MAPK8IP1: variants seen among roughly 807,000 people sequenced by gnomAD.
MAPK8IP1 encodes the protein mitogen-activated protein kinase 8 interacting protein 1.
A neutral mutation model predicts 72.6 loss-of-function variants in MAPK8IP1; 17 were observed. That is an observed-to-expected ratio of 0.23 (90% CI 0.16 to 0.35). The LOEUF (loss-of-function observed/expected upper bound fraction) is 0.35, where lower values mean the gene tolerates loss of function less well. MAPK8IP1 is among the 10% of genes least tolerant of loss of function. MAPK8IP1 has a pLI of 1.00. For synonymous variants in MAPK8IP1, 401 were observed against 443.4 expected, an observed-to-expected ratio of 0.90 and a Z score of 1.20; for missense variants, 789 against 1,009.7, an observed-to-expected ratio of 0.78 and a Z score of 2.96.
rs746922638 is a variant in MAPK8IP1 at position 45,905,183 on chromosome 11, A to G, written c.1997A>G (p.Asp666Gly). The change falls in exon 11 of 12, where the codon GAC (aspartate) becomes GGC (glycine). Residue 666 changes from aspartate (D) to glycine (G), a missense_variant. Transcript: ENST00000241014. ...YFGFITKHPADHRFACHVFVS... is the reference protein window; with the variant it reads ...YFGFITKHPAGHRFACHVFVS... Reference sequence around the variant, plus strand: ...GGGTTCATCACCAAGCACCCCGCCGACCACCGGTTTGCCTGCCACGTCTTT... The same window carrying G: ...GGGTTCATCACCAAGCACCCCGCCGGCCACCGGTTTGCCTGCCACGTCTTT... 3 of 1,613,338 alleles carry G rather than the reference A, an allele frequency of 1.9e-6. No homozygotes were observed.
At chr11:45,886,204 T>TC (rs977801121) in intron 1 of MAPK8IP1, among the ~76,000 whole-genome samples, 1 of 152,124 alleles carries the variant, frequency 6.6e-6, no homozygotes, top group African/African-American at 2.4e-5. Flanking sequence ...GGCCTCCTTC[T>TC]CCCCAACCTC....
At chr11:45,889,835 A>G (rs545474875) in intron 1 of MAPK8IP1, among the ~76,000 whole-genome samples, 1 of 152,292 alleles carries the variant, frequency 6.6e-6, no homozygotes, top group South Asian at 2.1e-4. Context: ...GGGGCCACCG[A>G]GAGGCTTCTT....
rs1209515483 is a variant in MAPK8IP1 at position 45,895,631 on chromosome 11, AAAATAT to A, written c.102-2452_102-2447del. ...CGAAAGGCCGTCTCAAAAAAAAAAAAAAATATATATATATATATATATATATATATG... is the reference window on the plus strand; with the variant it reads ...CGAAAGGCCGTCTCAAAAAAAAAAAAATATATATATATATATATATATATG... On this transcript the variant is annotated intron_variant, in intron 1 of 11. Transcript: ENST00000241014. Among the ~76,000 whole-genome samples, 299 of 34,610 alleles carry A rather than the reference AAAATAT, an allele frequency of 8.6e-3. 2 individuals are homozygous for A. Among genetic ancestry groups the A allele is most frequent in the African/African-American group, 0.015 (272 of 17,564 alleles). The allele number at this position is 34,610 out of a possible 152,430, so 22.7% of individuals were successfully genotyped here.
rs2086659964 is a variant in MAPK8IP1, at chr11:45,902,300, C to T, written c.605-72C>T. Reference sequence around the variant, plus strand: ...TTGTCTTGGTTTCTGTGTCACCAAGCTGAGAGTGGCAGGTGCAGGTAGCTG... The same window carrying T: ...TTGTCTTGGTTTCTGTGTCACCAAGTTGAGAGTGGCAGGTGCAGGTAGCTG... On this transcript the variant is annotated intron_variant, in intron 4 of 11. Transcript: ENST00000241014. This position sits in a 1 kb window ranked among gnomAD's most constrained non-coding sequence, Gnocchi z 9.3. 1.5e-6 allele frequency: 2 copies of T among 1,324,952 alleles called. No individual in the cohort carries two copies. The highest frequency in any genetic ancestry group is 2.9e-5 in the African/African-American group (2 of 68,846). The allele number at this position is 1,324,952 out of a possible 1,614,324, so 82.1% of individuals were successfully genotyped here.
chr11:45,904,536 A>G lies in MAPK8IP1; in HGVS notation c.1748A>G (p.Asn583Ser), dbSNP rs760395361. 1.4e-5 allele frequency: 23 copies of G among 1,614,068 alleles called. No homozygotes were observed. In the East Asian group the frequency reaches 3.3e-4, roughly 23 times the overall value. Residue 583 changes from asparagine to serine, a missense_variant, in exon 8 of 12, where the codon AAT becomes AGT. Asn to Ser is a conservative substitution (Grantham distance 46). Transcript: ENST00000241014. The surrounding 1 kb of genome is among the most constrained non-coding windows in gnomAD (Gnocchi z 6.4). Reference protein sequence around the residue: ...GSVQVPYHKGNDVLCAAMQKI... With the variant: ...GSVQVPYHKGSDVLCAAMQKI... ...GTCCAGGTTCCCTATCACAAGGGCAATGACGTCCTCTGTGCTGCTATGCAA... is the reference window on the plus strand; with the variant it reads ...GTCCAGGTTCCCTATCACAAGGGCAGTGACGTCCTCTGTGCTGCTATGCAA...
Position 45,900,339 on chromosome 11 carries a change from T to G in MAPK8IP1, c.409T>G (p.Ser137Ala), listed in dbSNP as rs1398556817. ...GGCCGAGTCCGGCCAGGAGCCGGCGTCCCGCGGCCAGGGCCAGAGCCAAGG... is the reference window on the plus strand; with the variant it reads ...GGCCGAGTCCGGCCAGGAGCCGGCGGCCCGCGGCCAGGGCCAGAGCCAAGG... ...PKAESGQEPA[S>A]RGQGQSQGQS... Residue 137 changes from serine (S) to alanine (A), a missense_variant, in exon 3 of 12, where the codon TCC becomes GCC. By Grantham distance (99) the Ser-to-Ala change is moderately conservative. Coordinates refer to ENST00000241014, the MANE Select transcript of MAPK8IP1 (RefSeq NM_005456.4). This position sits in a 1 kb window ranked among gnomAD's most constrained non-coding sequence, Gnocchi z 6.5. 1.3e-5 allele frequency: 19 copies of G among 1,449,088 alleles called. No homozygotes were observed. Among genetic ancestry groups the G allele is most frequent in the Middle Eastern group, 2.4e-4 (1 of 4,120 alleles). The allele number at this position is 1,449,088 out of a possible 1,614,324, so 89.8% of individuals were successfully genotyped here. A position where few individuals can be genotyped will look rare whatever the true frequency, so the allele number is the denominator to read the frequency against.
Position 45,903,255 on chromosome 11 carries a change from C to T in MAPK8IP1, c.1417+71C>T. The T allele has an allele frequency of 1.3e-6, 2 of 1,582,580 alleles. No homozygotes were observed. The highest frequency in any genetic ancestry group is 1.7e-6 in the Non-Finnish European group (2 of 1,160,164). On this transcript the variant is annotated intron_variant, in intron 5 of 11. Coordinates refer to ENST00000241014, the MANE Select transcript of MAPK8IP1 (RefSeq NM_005456.4). This position sits in a 1 kb window ranked among gnomAD's most constrained non-coding sequence, Gnocchi z 6.4. ...GGGCAGAGCCAAAATGCGAAGTGTT[C>T]TGGGAGGCGACCCCAGGCCCCATCT...
At chr11:45,896,655 GA>G in intron 1 of MAPK8IP1, 6 of 1,402,228 alleles carry the variant, frequency 4.3e-6, no homozygotes, top group Non-Finnish European at 5.6e-6. Flanking sequence ...GCGCTGGGAA[GA>G]GCTGGGGCTG....
chr11:45,904,154 C>T lies in MAPK8IP1; in HGVS notation c.1659C>T (p.His553=), dbSNP rs961330965. ...TCGAGGTCACCAAGGAGCCCGAGCA[C>T]ATGGCAGGTAGTGTTCCCTCCCTGG... ...YAIEVTKEPE[H]MAALAKNSDW... Residue 553 remains histidine, a synonymous_variant, in exon 7 of 12, where the codon CAC becomes CAT. Coordinates refer to ENST00000241014, the MANE Select transcript of MAPK8IP1 (RefSeq NM_005456.4). This position sits in a 1 kb window ranked among gnomAD's most constrained non-coding sequence, Gnocchi z 6.4. The T allele has an allele frequency of 6.2e-7, 1 of 1,613,854 alleles. No homozygotes were observed.
rs1378610036 is a variant in MAPK8IP1 at position 45,903,232 on chromosome 11, G to A, written c.1417+48G>A. 5 of 1,588,808 alleles carry A rather than the reference G, an allele frequency of 3.1e-6. No individual in the cohort carries two copies. Among genetic ancestry groups the A allele is most frequent in the South Asian group, 1.1e-5 (1 of 89,966 alleles). ...TGGGGTGGGGGGGTCCCTAGCGGGG[G>A]CAGAGCCAAAATGCGAAGTGTTCTG... On this transcript the variant is annotated intron_variant, in intron 5 of 11. Transcript: ENST00000241014. This position sits in a 1 kb window ranked among gnomAD's most constrained non-coding sequence, Gnocchi z 6.4.
Position 45,897,194 on chromosome 11 carries a change from AC to A in MAPK8IP1, c.102-884del, listed in dbSNP as rs34114061. Among the ~76,000 whole-genome samples, 21 of 149,928 alleles carry A rather than the reference AC, an allele frequency of 1.4e-4. No individual in the cohort carries two copies. The East Asian group carries it at 3.5e-3, about 25-fold the overall frequency. On this transcript the variant is annotated intron_variant, in intron 1 of 11. Transcript: ENST00000241014. ...TTCTCCCCAACTTCCTAAATGTTCT[AC>A]CCCCCCACCACCCCCCCAGCAAGCC...
At chr11:45,893,966 A>G (rs563087494) in intron 1 of MAPK8IP1, among the ~76,000 whole-genome samples, 15 of 152,268 alleles carry the variant, frequency 9.9e-5, no homozygotes, top group African/African-American at 3.4e-4. Flanking sequence ...AGAGTCTTGG[A>G]TGGGGGGTGA....
rs1296147181 is a variant in MAPK8IP1, at chr11:45,903,423, C to T, written c.1476C>T (p.Thr492=). The change falls in exon 6 of 12, where the codon ACC becomes ACT. Residue 492 remains threonine, a synonymous_variant. Coordinates refer to ENST00000241014, the MANE Select transcript of MAPK8IP1 (RefSeq NM_005456.4). The surrounding 1 kb of genome is among the most constrained non-coding windows in gnomAD (Gnocchi z 6.4). ...TCAACGGGGAGGAGCAGGAGCAGAC[C>T]CACCGGGCCATATTCAGGTGAGAGC... ...CIINGEEQEQ[T]HRAIFRFVPR... is the part of the protein sequence containing the mutation. The T allele has an allele frequency of 4.3e-6, 7 of 1,612,750 alleles. No individual in the cohort carries two copies. Among genetic ancestry groups the T allele is most frequent in the Non-Finnish European group, 5.9e-6 (7 of 1,179,938 alleles).
chr11:45,903,358 C>A lies in MAPK8IP1; in HGVS notation c.1418-7C>A. On this transcript the variant is annotated splice_region_variant and splice_polypyrimidine_tract_variant and intron_variant, in intron 5 of 11. Coordinates refer to ENST00000241014, the MANE Select transcript of MAPK8IP1 (RefSeq NM_005456.4). The surrounding 1 kb of genome is among the most constrained non-coding windows in gnomAD (Gnocchi z 6.4). Reference sequence around the variant, plus strand: ...CCCCCCATCCAGCCACACCACCTCACCTGCAGGTGCTGAGTCCTTCGGGCT... The same window carrying A: ...CCCCCCATCCAGCCACACCACCTCAACTGCAGGTGCTGAGTCCTTCGGGCT... 6.2e-7 allele frequency: 1 copy of A among 1,613,596 alleles called. No individual in the cohort carries two copies. Among genetic ancestry groups the A allele is most frequent in the African/African-American group, 1.3e-5 (1 of 75,060 alleles).
intron 1 of MAPK8IP1, among the ~76,000 whole-genome samples, chr11:45,888,802 C>T (rs985659870): frequency 2.4e-4 from 37 of 152,028 alleles, no homozygotes; most frequent in African/African-American, 8.5e-4. Flanking sequence ...TGGGTTCAAG[C>T]GGTTCTCCTG....
chr11:45,901,836 G>A (rs1272728502), intron 3 of MAPK8IP1, 144 bp from the exon 4 acceptor site: 3 of 778,932 alleles, frequency 3.9e-6, no homozygotes, highest in Non-Finnish European at 7.1e-6. Context: ...CCAGAGGAGA[G>A]TTACGAGTGA....
rs1590788525 is a variant in MAPK8IP1 at position 45,903,807 on chromosome 11, G to A, written c.1494-182G>A. Among the ~76,000 whole-genome samples the A allele has an allele frequency of 6.6e-6, 1 of 152,244 alleles. No individual in the cohort carries two copies. The highest frequency in any genetic ancestry group is 2.4e-5 in the African/African-American group (1 of 41,550). ...ACCCTCCCTTGGCCTGTGTTTCCTC[G>A]ATGGCAGATGCATGTCTGCTTGACC... On this transcript the variant is annotated intron_variant, in intron 6 of 11. Coordinates refer to ENST00000241014, the MANE Select transcript of MAPK8IP1 (RefSeq NM_005456.4). The surrounding 1 kb of genome is among the most constrained non-coding windows in gnomAD (Gnocchi z 6.4).
rs1407225881 is a variant in MAPK8IP1 at position 45,900,349 on chromosome 11, A to C, written c.419A>C (p.Gln140Pro). ...ESGQEPASRG[Q>P]GQSQGQSQGP... ...GGCCAGGAGCCGGCGTCCCGCGGCC[A>C]GGGCCAGAGCCAAGGCCAGAGCCAG... is the stretch of plus-strand genomic sequence containing the variant. The change falls in exon 3 of 12, where the codon CAG (glutamine) becomes CCG (proline). Residue 140 changes from glutamine (Q) to proline (P), a missense_variant. This residue lies in a region of MAPK8IP1 where 112 missense variants were observed against 192.8 expected (regional missense o/e 0.58). Transcript: ENST00000241014. This position sits in a 1 kb window ranked among gnomAD's most constrained non-coding sequence, Gnocchi z 6.5. The C allele has an allele frequency of 4.8e-6, 7 of 1,469,658 alleles. No homozygotes were observed. The highest frequency in any genetic ancestry group is 6.3e-6 in the Non-Finnish European group (7 of 1,117,632). The allele number at this position is 1,469,658 out of a possible 1,614,324, so 91.0% of individuals were successfully genotyped here. A position where few individuals can be genotyped will look rare whatever the true frequency, so the allele number is the denominator to read the frequency against.
chr11:45,894,273 G>A (rs569013521), intron 1 of MAPK8IP1, among the ~76,000 whole-genome samples: 5 of 152,300 alleles, frequency 3.3e-5, no homozygotes, highest in South Asian at 2.1e-4. Flanking sequence ...CAGCTTCAAC[G>A]TGAAAGAGTC....
Sources: allele counts gnomAD v4.1 joint callset (sites outside exome capture counted in the v4.1 genomes callset), GRCh38; gene constraint gnomAD v4.1.1; regional missense constraint gnomAD v4.1.1; non-coding constraint Gnocchi (gnomAD v3.1); transcripts MANE v1.5; gene names NCBI Gene and HGNC (gene_info 2026-07-23, HGNC 2026-07-21).